The following ADAMTS17 variants were observed in gnomAD, a reference collection of about 807,000 sequenced individuals.
ADAMTS17 encodes the protein A disintegrin and metalloproteinase with thrombospondin motifs 17.
ADAMTS17 carries 113 observed loss-of-function variants against 141.5 expected under a neutral mutation model. That is an observed-to-expected ratio of 0.80 (90% CI 0.69 to 0.93). The LOEUF (loss-of-function observed/expected upper bound fraction) is 0.93, where lower values mean the gene tolerates loss of function less well. Ranked by LOEUF, ADAMTS17 falls within the 40% of genes least tolerant of loss-of-function variation. The pLI is 0.00. For synonymous variants in ADAMTS17, 768 were observed against 630.6 expected (o/e 1.22, Z -3.27); for missense variants, 1,659 against 1,517.9 (o/e 1.09, Z -1.54).
chr15:100,327,214 T>C (rs2045926937), intron 3 of ADAMTS17, among the ~76,000 whole-genome samples: 1 of 152,214 alleles, frequency 6.6e-6, no homozygotes, highest in Non-Finnish European at 1.5e-5. Flanking sequence ...ATACACGTAT[T>C]ATACGTGCAA....
At chr15:100,067,153 T>C (rs2033598298) in intron 15 of ADAMTS17, among the ~76,000 whole-genome samples, 1 of 152,126 alleles carries the variant, frequency 6.6e-6, no homozygotes, top group African/African-American at 2.4e-5. Flanking sequence ...AAGTGGCCCA[T>C]CTGTCTCAGC....
chr15:100,251,918 G>A (rs1015743284), intron 7 of ADAMTS17, among the ~76,000 whole-genome samples: 3 of 152,174 alleles, frequency 2.0e-5, no homozygotes, highest in Non-Finnish European at 4.4e-5. Context: ...CCTCAGGAGA[G>A]GCAAAGTCTG....
chr15:100,271,953 C>T (rs1010405930), intron 4 of ADAMTS17, among the ~76,000 whole-genome samples: 1 of 152,190 alleles, frequency 6.6e-6, no homozygotes, highest in Non-Finnish European at 1.5e-5. Flanking sequence ...GCTTTCCCAG[C>T]ACCAGTTCTT....
At chr15:100,019,806 C>T (rs904222289) in intron 18 of ADAMTS17, among the ~76,000 whole-genome samples, 1 of 152,226 alleles carries the variant, frequency 6.6e-6, no homozygotes, top group East Asian at 1.9e-4. Context: ...GAAGCAGCAG[C>T]TGCCGTGGTT....
intron 12 of ADAMTS17, among the ~76,000 whole-genome samples, chr15:100,122,120 G>A (rs1445125941): frequency 2.0e-5 from 3 of 152,184 alleles, no homozygotes; most frequent in South Asian, 2.1e-4. Flanking sequence ...GTGAGTCACT[G>A]TCATCAAGAT....
chr15:99,978,584 G>A (rs190659740), intron 20 of ADAMTS17: 1 of 152,328 alleles, frequency 6.6e-6, no homozygotes, highest in East Asian at 1.9e-4. Flanking sequence ...CTCCATCCCA[G>A]ACCTCAGGAG....
intron 2 of ADAMTS17, among the ~76,000 whole-genome samples, chr15:100,338,287 A>C (rs11247187): frequency 1.3e-5 from 2 of 152,082 alleles, no homozygotes; most frequent in Admixed American, 6.5e-5. Context: ...TATTCTAATA[A>C]TTCGTCTCCT....
intron 15 of ADAMTS17, among the ~76,000 whole-genome samples, chr15:100,079,434 G>A (rs887568903): frequency 2.0e-5 from 3 of 152,198 alleles, no homozygotes; most frequent in African/African-American, 7.2e-5. Flanking sequence ...AGGGAAAAAA[G>A]CCTGTCAGGA....
intron 8 of ADAMTS17, 97 bp downstream of exon 8, chr15:100,199,221 A>T: frequency 1.7e-6 from 2 of 1,174,680 alleles, no homozygotes; most frequent in Non-Finnish European, 2.6e-6. Context: ...GCAAAGGCAT[A>T]GAGCAGCACT....
intron 4 of ADAMTS17, among the ~76,000 whole-genome samples, chr15:100,267,775 T>C (rs956451222): frequency 8.5e-5 from 13 of 152,206 alleles, no homozygotes; most frequent in Non-Finnish European, 2.9e-5. Flanking sequence ...TATACATTTA[T>C]GGGGTACATG....
rs879068570 is a variant in ADAMTS17 at position 100,262,424 on chromosome 15, C to T, written c.801G>A (p.Met267Ile). 1.2e-6 allele frequency: 2 copies of T among 1,613,446 alleles called. No individual in the cohort carries two copies. Among genetic ancestry groups the T allele is most frequent in the Non-Finnish European group, 1.7e-6 (2 of 1,179,634 alleles). ...ILTVMNMVYN[M>I]FQHQSLGIKI... The stretch of plus-strand genomic sequence containing the variant: ...TAATCCCCAGGCTCTGGTGCTGAAA[C>T]ATATTGTATACCTATCAAGACAGAA... Residue 267 changes from methionine to isoleucine, a missense_variant, in exon 5 of 22, where the codon ATG (methionine) becomes ATA (isoleucine). Physicochemically the swap from Met to Ile is conservative, Grantham distance 10. Coordinates refer to ENST00000268070, the MANE Select transcript of ADAMTS17 (RefSeq NM_139057.4).
intron 18 of ADAMTS17, among the ~76,000 whole-genome samples, chr15:100,001,353 CTT>C (rs35364890): frequency 2.1e-3 from 303 of 141,892 alleles, no homozygotes; most frequent in Middle Eastern, 7.1e-3. Flanking sequence ...GTCTCTTTTC[CTT>C]TTTTTTTTTT....
chr15:100,211,141 A>AAAAAAAAT (rs1555483914), intron 7 of ADAMTS17, among the ~76,000 whole-genome samples: 10 of 148,626 alleles, frequency 6.7e-5, no homozygotes, highest in African/African-American at 2.3e-4. Context: ...TAAATAAATA[A>AAAAAAAAT]AAATACAAAA....
Position 100,281,925 on chromosome 15 carries a change from A to T in ADAMTS17, c.617-524T>A, listed in dbSNP as rs189498274. Among the ~76,000 whole-genome samples the T allele has an allele frequency of 1.4e-3, 210 of 152,320 alleles. 1 individual carries two copies. Among genetic ancestry groups the T allele is most frequent in the African/African-American group, 4.8e-3 (200 of 41,572 alleles). On this transcript the variant is annotated intron_variant, in intron 3 of 21. Coordinates refer to ENST00000268070, the MANE Select transcript of ADAMTS17 (RefSeq NM_139057.4). ...TAAAAACACTATGTTTTTTAAAAAA[A>T]TACATAATCAGAAGGAAAATCATAC...
intron 7 of ADAMTS17, among the ~76,000 whole-genome samples, chr15:100,202,065 A>C (rs1033007048): frequency 1.3e-5 from 2 of 152,194 alleles, no homozygotes; most frequent in East Asian, 1.9e-4. Flanking sequence ...GGGGGAAGGG[A>C]GACATAATAA....
In ADAMTS17 at chr15:100,261,055, C is replaced by A. The variant is rs191845517; in HGVS notation, c.1031+424G>T. Among the ~76,000 whole-genome samples, 362 of 152,212 alleles carry A rather than the reference C, an allele frequency of 2.4e-3. 3 individuals carry two copies. Among genetic ancestry groups the A allele is most frequent in the African/African-American group, 8.5e-3 (352 of 41,514 alleles). On this transcript the variant is annotated intron_variant, in intron 6 of 21. Transcript: ENST00000268070. ...TCAATGACATACAACAGTTGTATCC[C>A]CCAAAAAAGAAATGTCCAAGTCCTG...
chr15:100,138,201 A>T (rs2038437543), intron 10 of ADAMTS17, among the ~76,000 whole-genome samples: 1 of 152,230 alleles, frequency 6.6e-6, no homozygotes, highest in South Asian at 2.1e-4. Flanking sequence ...GTTCTGGTTG[A>T]AACAAATTTA....
At chr15:100,315,731 GACAC>G (rs1046194015) in intron 3 of ADAMTS17, among the ~76,000 whole-genome samples, 1 of 150,626 alleles carries the variant, frequency 6.6e-6, no homozygotes, top group Non-Finnish European at 1.5e-5. Flanking sequence ...CAACTTTAAA[GACAC>G]ACACACTCAC....
chr15:100,158,045 C>A (rs11632487), intron 8 of ADAMTS17, among the ~76,000 whole-genome samples: 2 of 152,084 alleles, frequency 1.3e-5, no homozygotes, highest in Admixed American at 1.3e-4. Flanking sequence ...CGCGCCAGCA[C>A]GCCTGGCTAA....
Sources: allele counts gnomAD v4.1 joint callset (sites outside exome capture counted in the v4.1 genomes callset), GRCh38; gene constraint gnomAD v4.1.1; transcripts MANE v1.5; gene names NCBI Gene and HGNC (gene_info 2026-07-23, HGNC 2026-07-21).